Variants in FUT8 observed in about 807,000 individuals in gnomAD.
FUT8 encodes the protein alpha-(1,6)-fucosyltransferase.
A neutral mutation model predicts 71.3 loss-of-function variants in FUT8; 29 were observed. The ratio of observed to expected loss-of-function variants is 0.41; its 90% CI spans 0.30 to 0.55. The LOEUF is 0.55. Among genes scored for constraint, FUT8 ranks in the 20% least tolerant of loss-of-function variants. FUT8 has a pLI of 0.34. For missense variants in FUT8, 544 were observed against 702.1 expected (o/e 0.77, Z 2.55); for synonymous variants, 254 against 239.3 (o/e 1.06, Z -0.57).
chr14:65,615,708 A>C (rs1404815141), intron 3 of FUT8, among the ~76,000 whole-genome samples: 5 of 152,204 alleles, frequency 3.3e-5, no homozygotes, highest in Admixed American at 6.5e-5. Context: ...AAAGATTTTT[A>C]GGAAACAGCT....
intron 2 of FUT8, among the ~76,000 whole-genome samples, chr14:65,505,452 A>G (rs2066715775): frequency 6.6e-6 from 1 of 151,558 alleles, no homozygotes; most frequent in Non-Finnish European, 1.5e-5. Flanking sequence ...AGCTGGGACT[A>G]CAGGTGCCCG....
chr14:65,544,771 T>A (rs1594756375), intron 2 of FUT8, among the ~76,000 whole-genome samples: 1 of 152,242 alleles, frequency 6.6e-6, no homozygotes, highest in East Asian at 1.9e-4. Flanking sequence ...ATTCATGTAT[T>A]TATGATGCTG....
intron 3 of FUT8, among the ~76,000 whole-genome samples, chr14:65,593,923 T>G (rs1887825327): frequency 6.6e-6 from 1 of 152,220 alleles, no homozygotes; most frequent in South Asian, 2.1e-4. Context: ...TTGGTCAGGC[T>G]GGTCTCAAAC....
chr14:65,674,253 T>A (rs1555383026), intron 7 of FUT8, among the ~76,000 whole-genome samples: 1 of 152,184 alleles, frequency 6.6e-6, no homozygotes, highest in African/African-American at 2.4e-5. Context: ...GCAAAAAATC[T>A]TGATTTCTCT....
intron 1 of FUT8, among the ~76,000 whole-genome samples, chr14:65,445,756 T>C (rs1189533329): frequency 6.6e-6 from 1 of 152,238 alleles, no homozygotes; most frequent in Non-Finnish European, 1.5e-5. Flanking sequence ...TCTCAAGGAT[T>C]TGTATGAAAA....
chr14:65,390,671 C>G, the FUT8 span, among the ~76,000 whole-genome samples: 1 of 151,626 alleles, frequency 6.6e-6, no homozygotes, highest in Admixed American at 6.6e-5. Context: ...ACTTTTACTA[C>G]TATCACCCCA....
intron 1 of FUT8, among the ~76,000 whole-genome samples, chr14:65,427,140 G>A (rs1161956395): frequency 6.6e-6 from 1 of 152,084 alleles, no homozygotes; most frequent in Non-Finnish European, 1.5e-5. Context: ...GGGATTACAG[G>A]CGTGAACCAC....
At chr14:65,457,213 T>C (rs2065905912) in intron 2 of FUT8, among the ~76,000 whole-genome samples, 1 of 152,214 alleles carries the variant, frequency 6.6e-6, no homozygotes, top group African/African-American at 2.4e-5. Flanking sequence ...AAATTACTTT[T>C]TGTTGTTGCT....
At position 65,643,903 on chromosome 14, in the gene FUT8, A is replaced by G. The variant is rs927413470; in HGVS notation, c.597+14297A>G. 6.6e-6 allele frequency among the ~76,000 whole-genome samples: 1 copy of G among 152,194 alleles called. No homozygotes were observed. Among genetic ancestry groups the G allele is most frequent in the African/African-American group, 2.4e-5 (1 of 41,460 alleles). On this transcript the variant is annotated intron_variant, in intron 6 of 10. Transcript: ENST00000673929. The surrounding 1 kb of genome is among the most constrained non-coding windows in gnomAD (Gnocchi z 4.5). ...ATTTCGAAAGTAATTTTCTCTTTCTAGAAATATGCCTCATTTTTTTCAAGA... is the reference window on the plus strand; with the variant it reads ...ATTTCGAAAGTAATTTTCTCTTTCTGGAAATATGCCTCATTTTTTTCAAGA...
intron 2 of FUT8, among the ~76,000 whole-genome samples, chr14:65,530,252 A>C (rs1048209378): frequency 6.6e-6 from 1 of 152,146 alleles, no homozygotes; most frequent in Non-Finnish European, 1.5e-5. Flanking sequence ...CAGTCCCAAA[A>C]GTGCTTTCAG....
Position 65,660,763 on chromosome 14 carries a change from T to G in FUT8, c.598-8480T>G, listed in dbSNP as rs997975803. On this transcript the variant is annotated intron_variant, in intron 6 of 10. Coordinates refer to ENST00000673929, the MANE Select transcript of FUT8 (RefSeq NM_001371533.1). This position sits in a 1 kb window ranked among gnomAD's most constrained non-coding sequence, Gnocchi z 4.1. ...TGGTCTTGGCTTTTAAAAGTGAGCA[T>G]GCTTTTTAATTGCCTCTTTCATGGT... Among the ~76,000 whole-genome samples, 1 of 152,212 alleles carries G rather than the reference T, an allele frequency of 6.6e-6. No homozygotes were observed. Among genetic ancestry groups the G allele is most frequent in the Non-Finnish European group, 1.5e-5 (1 of 68,028 alleles).
In FUT8 at chr14:65,718,513, C is replaced by T. The variant is rs185439036; in HGVS notation, c.836-3262C>T. 4.0e-3 allele frequency among the ~76,000 whole-genome samples: 607 copies of T among 152,264 alleles called. 5 individuals are homozygous for T. Among genetic ancestry groups the T allele is most frequent in the African/African-American group, 0.014 (571 of 41,556 alleles). On this transcript the variant is annotated intron_variant, in intron 7 of 10. Transcript: ENST00000673929. ...ATCAATAGGTTACATACCACAATTACAGTGTTATAAAATTATGTGGTTTTT... is the reference window on the plus strand; with the variant it reads ...ATCAATAGGTTACATACCACAATTATAGTGTTATAAAATTATGTGGTTTTT...
At chr14:65,650,703 A>G (rs2140321676) in intron 6 of FUT8, among the ~76,000 whole-genome samples, 1 of 78,464 alleles carries the variant, frequency 1.3e-5, no homozygotes, top group African/African-American at 4.1e-5. Context: ...ATTCCTGCTA[A>G]TTACAAAAAA....
At chr14:65,427,840 C>T (rs1000426457) in intron 1 of FUT8, among the ~76,000 whole-genome samples, 1 of 152,202 alleles carries the variant, frequency 6.6e-6, no homozygotes, top group African/African-American at 2.4e-5. Context: ...ACTCCCTGTG[C>T]CTATCCCCAG....
At chr14:65,505,792 A>G (rs1480230956) in intron 2 of FUT8, among the ~76,000 whole-genome samples, 6 of 152,016 alleles carry the variant, frequency 3.9e-5, no homozygotes, top group Admixed American at 2.0e-4. Context: ...AAGATTTTAT[A>G]TAATCTTTTC....
chr14:65,645,705 A>G (rs1387264552), intron 6 of FUT8, among the ~76,000 whole-genome samples: 1 of 152,148 alleles, frequency 6.6e-6, no homozygotes, highest in African/African-American at 2.4e-5. Flanking sequence ...TCTACACTAC[A>G]TTTTCAAGAC....
chr14:65,509,494 G>A (rs1230131341), intron 2 of FUT8, among the ~76,000 whole-genome samples: 1 of 151,984 alleles, frequency 6.6e-6, no homozygotes, highest in Non-Finnish European at 1.5e-5. Flanking sequence ...CATTGAATCT[G>A]TAGATTGCTT....
Position 65,663,611 on chromosome 14 carries a change from A to G in FUT8, c.598-5632A>G, listed in dbSNP as rs369271964. Among the ~76,000 whole-genome samples the G allele has an allele frequency of 1.8e-4, 28 of 152,218 alleles. No individual in the cohort carries two copies. The East Asian group carries it at 4.2e-3, about 23-fold the overall frequency. ...ATTCATTTTCTCGTATCACCCTTCA[A>G]GTCTTCCATTGATTACCTTATATGT... On this transcript the variant is annotated intron_variant, in intron 6 of 10. Transcript: ENST00000673929.
At chr14:65,404,168 A>ATTTG in the FUT8 span, among the ~76,000 whole-genome samples, 2 of 132,428 alleles carry the variant, frequency 1.5e-5, no homozygotes, top group African/African-American at 5.8e-5. Context: ...GCGGGGCCAG[A>ATTTG]TTTGTTTGTT....
Sources: allele counts gnomAD v4.1 joint callset (sites outside exome capture counted in the v4.1 genomes callset), GRCh38; gene constraint gnomAD v4.1.1; non-coding constraint Gnocchi (gnomAD v3.1); transcripts MANE v1.5; gene names NCBI Gene and HGNC (gene_info 2026-07-23, HGNC 2026-07-21).